The following GABRG3 variants were observed in gnomAD, a reference collection of about 807,000 sequenced individuals.
The protein encoded by GABRG3 is gamma-aminobutyric acid receptor subunit gamma-3.
In GABRG3, 25 loss-of-function variants were observed where a neutral mutation model predicts 48.8. The observed-to-expected ratio is 0.51, with a 90% CI of 0.37 to 0.72. The LOEUF (loss-of-function observed/expected upper bound fraction) is 0.72. GABRG3 is among the 30% of genes least tolerant of loss of function. The pLI is 0.00. For synonymous variants in GABRG3, 227 were observed against 217.6 expected (o/e 1.04, Z -0.38); for missense variants, 394 against 577.9 (o/e 0.68, Z 3.26).
At chr15:27,040,329 A>G (rs1896254513) in intron 3 of GABRG3, among the ~76,000 whole-genome samples, 2 of 152,216 alleles carry the variant, frequency 1.3e-5, no homozygotes, top group South Asian at 4.1e-4. Flanking sequence ...GGTCGTTGCA[A>G]GCAGGCAGGC....
chr15:27,102,870 C>T (rs780691920), intron 3 of GABRG3, among the ~76,000 whole-genome samples: 52 of 152,060 alleles, frequency 3.4e-4, no homozygotes, highest in Non-Finnish European at 7.5e-4. Context: ...CCCCAAGTAC[C>T]ACCGGCATTA....
intron 3 of GABRG3, among the ~76,000 whole-genome samples, chr15:27,256,139 A>C (rs975064856): frequency 4.6e-5 from 7 of 152,082 alleles, no homozygotes; most frequent in African/African-American, 1.7e-4. Context: ...AGTAGATGTG[A>C]CCTAGAAAGA....
intron 3 of GABRG3, among the ~76,000 whole-genome samples, chr15:27,289,366 A>G (rs1027353898): frequency 3.3e-5 from 5 of 151,916 alleles, no homozygotes; most frequent in Non-Finnish European, 4.4e-5. Context: ...TTATTCTTCA[A>G]ACTGGATGAT....
At chr15:27,430,425 T>C (rs141027752) in intron 5 of GABRG3, among the ~76,000 whole-genome samples, 10 of 152,304 alleles carry the variant, frequency 6.6e-5, no homozygotes, top group Non-Finnish European at 1.3e-4. Context: ...TTGACCTTTT[T>C]TTTCCTCTTG....
intron 5 of GABRG3, among the ~76,000 whole-genome samples, chr15:27,412,769 G>A (rs1405681838): frequency 6.6e-6 from 1 of 152,020 alleles, no homozygotes; most frequent in Non-Finnish European, 1.5e-5. Context: ...GTTCAGTAAA[G>A]GACTAGGATT....
chr15:27,530,250 C>A (rs77375197), intron 9 of GABRG3, among the ~76,000 whole-genome samples: 1,896 of 152,246 alleles, frequency 0.012, 54 homozygotes, highest in African/African-American at 0.044. Flanking sequence ...TTCACATGTG[C>A]CCAGGAAGCA....
At chr15:27,235,375 G>T (rs1889927317) in intron 3 of GABRG3, among the ~76,000 whole-genome samples, 1 of 152,180 alleles carries the variant, frequency 6.6e-6, no homozygotes, top group African/African-American at 2.4e-5. Context: ...TTCTTAGATG[G>T]TCAGGGGAGA....
At chr15:27,081,527 G>C (rs1368784626) in intron 3 of GABRG3, among the ~76,000 whole-genome samples, 1 of 151,882 alleles carries the variant, frequency 6.6e-6, no homozygotes, top group Non-Finnish European at 1.5e-5. Context: ...TTCATTGTTT[G>C]AGGAGTTCTT....
chr15:27,161,765 T>C (rs1595560028), intron 3 of GABRG3, among the ~76,000 whole-genome samples: 1 of 152,148 alleles, frequency 6.6e-6, no homozygotes, highest in African/African-American at 2.4e-5. Context: ...CATACTGATA[T>C]CTAGTTGCTA....
At chr15:27,274,719 G>C (rs1002563385) in intron 3 of GABRG3, among the ~76,000 whole-genome samples, 5 of 152,084 alleles carry the variant, frequency 3.3e-5, no homozygotes, top group Admixed American at 6.5e-5. Flanking sequence ...ACCCTCATCT[G>C]ATTTACCATC....
intron 7 of GABRG3, among the ~76,000 whole-genome samples, chr15:27,525,486 T>G (rs1487808708): frequency 2.0e-5 from 3 of 151,992 alleles, no homozygotes; most frequent in Non-Finnish European, 4.4e-5. Flanking sequence ...TAAATAGAAA[T>G]GCCTAAGGTT....
intron 5 of GABRG3, among the ~76,000 whole-genome samples, chr15:27,416,585 G>A (rs8030466): frequency 0.14 from 21,966 of 152,112 alleles, 1,768 homozygotes; most frequent in Middle Eastern, 0.26. Context: ...GGTAAAACTC[G>A]CAAAAGTGAG....
chr15:27,491,875 G>A (rs1429706093), intron 6 of GABRG3, among the ~76,000 whole-genome samples: 1 of 152,166 alleles, frequency 6.6e-6, no homozygotes, highest in Non-Finnish European at 1.5e-5. Flanking sequence ...TATTTAGGCA[G>A]TATGCATCGC....
intron 6 of GABRG3, among the ~76,000 whole-genome samples, chr15:27,484,607 C>A (rs2150846539): frequency 6.6e-6 from 1 of 152,232 alleles, no homozygotes; most frequent in East Asian, 1.9e-4. Context: ...TTTCTAATAT[C>A]ATTCTCCAAT....
intron 3 of GABRG3, among the ~76,000 whole-genome samples, chr15:27,123,330 G>A (rs8038005): frequency 0.82 from 124,683 of 152,082 alleles, 52,028 homozygotes; most frequent in Non-Finnish European, 0.9. Context: ...AGATGATAGT[G>A]CTAGGAAGTG....
chr15:27,527,864 T>C (rs1294081535), intron 8 of GABRG3, 69 bp from the exon 9 acceptor site: 3 of 1,297,644 alleles, frequency 2.3e-6, no homozygotes, highest in Non-Finnish European at 3.3e-6. Flanking sequence ...TAAAGATTGC[T>C]CTTAAGAGTG....
chr15:27,283,746 G>A (rs915415826), intron 3 of GABRG3, among the ~76,000 whole-genome samples: 3 of 152,102 alleles, frequency 2.0e-5, no homozygotes, highest in African/African-American at 4.8e-5. Context: ...GGCATATGAG[G>A]CATAAAGGAA....
At position 27,436,995 on chromosome 15, in the gene GABRG3, TAGAGAGAGAG is replaced by T. The variant is rs10549691; in HGVS notation, c.575-43626_575-43617del. On this transcript the variant is annotated intron_variant, in intron 5 of 9. Coordinates refer to ENST00000615808, the MANE Select transcript of GABRG3 (RefSeq NM_033223.5). The stretch of plus-strand genomic sequence containing the variant: ...TGGGTGAGACTCCTTCTCCGAAAAA[TAGAGAGAGAG>T]AGAGAGAGAGAGAGAGAGAGAGAGA... Among the ~76,000 whole-genome samples, 589 of 130,588 alleles carry T rather than the reference TAGAGAGAGAG, an allele frequency of 4.5e-3. 10 individuals are homozygous for T. Among genetic ancestry groups the T allele is most frequent in the African/African-American group, 0.016 (563 of 35,328 alleles). The allele number at this position is 130,588 out of a possible 152,430, so 85.7% of individuals were successfully genotyped here.
intron 3 of GABRG3, 163 bp downstream of exon 3, chr15:27,026,984 ATG>A: frequency 2.3e-6 from 1 of 443,886 alleles, no homozygotes; most frequent in Non-Finnish European, 4.0e-6. Flanking sequence ...AAAAAAAAAA[ATG>A]AAGAAAGATA....
Sources: gnomAD v4.1 joint callset for allele counts (sites outside exome capture counted in the v4.1 genomes callset) on GRCh38, gnomAD v4.1.1 for gene constraint, MANE v1.5 for transcripts, NCBI Gene and HGNC (gene_info 2026-07-23, HGNC 2026-07-21) for gene names.